The following SIL1 variants were observed in gnomAD, a reference collection of about 807,000 sequenced individuals.
SIL1 encodes nucleotide exchange factor SIL1.
In SIL1, 40 loss-of-function variants were observed where a neutral mutation model predicts 49.1. That is an observed-to-expected ratio of 0.81 (90% CI 0.63 to 1.06). The LOEUF is 1.06. Ranked by LOEUF, SIL1 falls within the 50% of genes least tolerant of loss-of-function variation. The pLI is 0.00. For missense variants in SIL1, 500 were observed against 572.6 expected (o/e 0.87, Z 1.29); for synonymous variants, 253 against 250.8 (o/e 1.01, Z -0.08).
chr5:139,126,497 T>C (rs1449045578), intron 2 of SIL1, among the ~76,000 whole-genome samples: 1 of 152,176 alleles, frequency 6.6e-6, no homozygotes, highest in Non-Finnish European at 1.5e-5. Context: ...CCCTGGGCCC[T>C]GAAGGTTCTT....
At chr5:139,086,292 G>A (rs1003455541) in intron 3 of SIL1, among the ~76,000 whole-genome samples, 11 of 148,726 alleles carry the variant, frequency 7.4e-5, no homozygotes, top group Admixed American at 4.0e-4. Context: ...AAAAAAAGAA[G>A]AAGAAGAAGA....
At chr5:139,171,527 C>A (rs896605056) in intron 1 of SIL1, among the ~76,000 whole-genome samples, 3 of 152,020 alleles carry the variant, frequency 2.0e-5, no homozygotes, top group African/African-American at 7.2e-5. Context: ...ATCATCACCA[C>A]TCCCTAATCT....
chr5:138,958,351 C>T (rs2150382835), intron 7 of SIL1, among the ~76,000 whole-genome samples: 1 of 152,308 alleles, frequency 6.6e-6, no homozygotes, highest in Non-Finnish European at 1.5e-5. Context: ...CAAGTGATGT[C>T]CATAAGTCTC....
At chr5:138,990,581 C>A (rs1767734592) in intron 7 of SIL1, among the ~76,000 whole-genome samples, 2 of 152,118 alleles carry the variant, frequency 1.3e-5, no homozygotes, top group African/African-American at 4.8e-5. Flanking sequence ...CAGTCTCCAA[C>A]CATGCCTGGA....
chr5:139,111,875 C>T (rs1236488982), intron 3 of SIL1, among the ~76,000 whole-genome samples: 3 of 151,998 alleles, frequency 2.0e-5, no homozygotes, highest in South Asian at 2.1e-4. Context: ...TCTCTTTCCA[C>T]GGTCTCCCTC....
At chr5:138,959,712 T>G (rs1174375880) in intron 7 of SIL1, among the ~76,000 whole-genome samples, 1 of 152,242 alleles carries the variant, frequency 6.6e-6, no homozygotes, top group Non-Finnish European at 1.5e-5. Context: ...TTCCACTTAC[T>G]GATGAATCCC....
intron 1 of SIL1, among the ~76,000 whole-genome samples, chr5:139,150,526 G>A (rs1226160897): frequency 1.3e-5 from 2 of 152,082 alleles, no homozygotes; most frequent in Non-Finnish European, 2.9e-5. Context: ...TCAGGTAGGA[G>A]CAACCGTCGC....
At chr5:138,972,533 TA>T (rs1767301579) in intron 7 of SIL1, among the ~76,000 whole-genome samples, 1 of 152,168 alleles carries the variant, frequency 6.6e-6, no homozygotes, top group Non-Finnish European at 1.5e-5. Flanking sequence ...CTACAGCTGT[TA>T]AGAGCCCCAG....
At chr5:139,149,035 A>G (rs1381080437) in intron 1 of SIL1, among the ~76,000 whole-genome samples, 1 of 152,096 alleles carries the variant, frequency 6.6e-6, no homozygotes, top group Non-Finnish European at 1.5e-5. Flanking sequence ...CCTGAAATGC[A>G]ACCACTCCCG....
At chr5:139,103,360 T>C (rs1260166350) in intron 3 of SIL1, among the ~76,000 whole-genome samples, 1 of 152,228 alleles carries the variant, frequency 6.6e-6, no homozygotes, top group Admixed American at 6.5e-5. Flanking sequence ...TAAAAGGTGA[T>C]CTTGCCTTTC....
Position 138,970,071 on chromosome 5 carries a change from T to G in SIL1, c.768-18187A>C, listed in dbSNP as rs115182289. 4.4e-3 allele frequency among the ~76,000 whole-genome samples: 673 copies of G among 152,322 alleles called. 4 individuals carry two copies. Among genetic ancestry groups the G allele is most frequent in the African/African-American group, 0.016 (651 of 41,566 alleles). ...CAGCAGCCTGAGGTATTCCGATAAA[T>G]GCCCCACCACTGGCATGTTTGGAAA... On this transcript the variant is annotated intron_variant, in intron 7 of 9. Transcript: ENST00000394817.
At chr5:138,958,235 A>G (rs1766942952) in intron 7 of SIL1, among the ~76,000 whole-genome samples, 1 of 152,170 alleles carries the variant, frequency 6.6e-6, no homozygotes, top group Non-Finnish European at 1.5e-5. Flanking sequence ...AATGTTTCTC[A>G]GTTTGGATTT....
chr5:138,986,232 C>T lies in SIL1; in HGVS notation c.768-34348G>A, dbSNP rs559526172. On this transcript the variant is annotated intron_variant, in intron 7 of 9. Transcript: ENST00000394817. ...TCTGGAAGATTTCTGCCCAGAAAGA[C>T]AGAAAAGCACTCTGGAGTTGTACCT... Among the ~76,000 whole-genome samples the T allele has an allele frequency of 2.0e-5, 3 of 152,340 alleles. No homozygotes were observed. The South Asian group carries it at 6.2e-4, about 32-fold the overall frequency.
intron 7 of SIL1, among the ~76,000 whole-genome samples, chr5:139,000,722 TA>T (rs1767965215): frequency 6.6e-6 from 1 of 152,094 alleles, no homozygotes; most frequent in African/African-American, 2.4e-5. Flanking sequence ...AAAAGATGGA[TA>T]ATTCTGACTT....
chr5:138,990,657 G>A (rs919894743), intron 7 of SIL1, among the ~76,000 whole-genome samples: 2 of 152,002 alleles, frequency 1.3e-5, no homozygotes, highest in Non-Finnish European at 2.9e-5. Flanking sequence ...CAAATTCCAG[G>A]GCTCAAGTGA....
intron 3 of SIL1, among the ~76,000 whole-genome samples, chr5:139,112,371 C>A (rs1182099288): frequency 1.3e-5 from 2 of 151,856 alleles, no homozygotes; most frequent in Non-Finnish European, 2.9e-5. Flanking sequence ...AGCGCCTCTT[C>A]CCGGCTGCCA....
At chr5:139,126,042 G>A (rs1229448442) in intron 2 of SIL1, among the ~76,000 whole-genome samples, 2 of 152,192 alleles carry the variant, frequency 1.3e-5, no homozygotes, top group Non-Finnish European at 2.9e-5. Context: ...AGGCTCTGAA[G>A]AAAGGATCAT....
At chr5:139,141,977 G>A (rs961918216) in intron 1 of SIL1, among the ~76,000 whole-genome samples, 1 of 152,168 alleles carries the variant, frequency 6.6e-6, no homozygotes. Flanking sequence ...ATCAGCCAAA[G>A]GAAACAGAGA....
chr5:139,093,084 C>T (rs981839588), intron 3 of SIL1, among the ~76,000 whole-genome samples: 20 of 152,246 alleles, frequency 1.3e-4, no homozygotes, highest in Middle Eastern at 3.4e-3. Flanking sequence ...CTTGCTTGAG[C>T]CCAGGAGTCC....
Sources: gnomAD v4.1 joint callset for allele counts (sites outside exome capture counted in the v4.1 genomes callset) on GRCh38, gnomAD v4.1.1 for gene constraint, MANE v1.5 for transcripts, NCBI Gene and HGNC (gene_info 2026-07-23, HGNC 2026-07-21) for gene names.